AKNA: variants seen among roughly 807,000 people sequenced by gnomAD.
The protein encoded by AKNA is AT-hook transcription factor.
AKNA carries 67 observed loss-of-function variants against 138.8 expected under a neutral mutation model. The observed-to-expected ratio is 0.48, with a 90% confidence interval of 0.40 to 0.59. AKNA has a LOEUF of 0.59. Ranked by LOEUF, AKNA falls within the 20% of genes least tolerant of loss-of-function variation. The probability of loss-of-function intolerance (pLI) is 0.00; values close to 1 mark genes in which losing one functional copy is unlikely to be tolerated. For missense variants in AKNA, 1,813 were observed against 1,880.4 expected (o/e 0.96, Z 0.66); for synonymous variants, 737 against 754.4 (o/e 0.98, Z 0.38).
In AKNA at chr9:114,375,117, CT is replaced by C. The variant is rs1833073840; in HGVS notation, c.1342-951del. On this transcript the variant is annotated intron_variant, in intron 3 of 21. Coordinates refer to ENST00000374088, the MANE Select transcript of AKNA (RefSeq NM_001317950.2). ...GCCAAAACTCCCCACGCCCGTGGAG[CT>C]CATGGTCTGGAAGGGAAATGGTCAT... Among the ~76,000 whole-genome samples, 3 of 152,296 alleles carry C rather than the reference CT, an allele frequency of 2.0e-5. No individual in the cohort carries two copies. The South Asian group carries it at 6.2e-4, about 32-fold the overall frequency.
chr9:114,361,015 C>A (rs1173992356), intron 9 of AKNA, among the ~76,000 whole-genome samples: 5 of 152,166 alleles, frequency 3.3e-5, no homozygotes, highest in Admixed American at 3.3e-4. Flanking sequence ...ACCTTCCCAA[C>A]CTCTCTTAAG....
chr9:114,387,362 G>T (rs952938203), intron 1 of AKNA, among the ~76,000 whole-genome samples: 2 of 152,198 alleles, frequency 1.3e-5, no homozygotes. Context: ...GCCAGCTCTG[G>T]TCTTGCCATC....
At chr9:114,354,826 T>C (rs1007550999) in intron 14 of AKNA, among the ~76,000 whole-genome samples, 3 of 151,330 alleles carry the variant, frequency 2.0e-5, no homozygotes, top group African/African-American at 7.3e-5. Context: ...TCATTAGTTA[T>C]CAAGTATTAG....
At chr9:114,391,362 T>G (rs937093398), upstream of AKNA, among the ~76,000 whole-genome samples, 1 of 152,268 alleles carries the variant, frequency 6.6e-6, no homozygotes, top group African/African-American at 2.4e-5. Flanking sequence ...AGTGAGGCCC[T>G]GGTTCCACAC....
At chr9:114,383,215 C>T in intron 1 of AKNA, 1 of 456,024 alleles carries the variant, frequency 2.2e-6, no homozygotes, top group Non-Finnish European at 4.4e-6. Flanking sequence ...CGTCAGGCGG[C>T]TGCTGCAGGA....
chr9:114,380,728 C>T (rs1205248792), intron 2 of AKNA, among the ~76,000 whole-genome samples: 2 of 151,594 alleles, frequency 1.3e-5, no homozygotes, highest in Non-Finnish European at 2.9e-5. Context: ...GTAATCCCAG[C>T]ACTTTGGGAG....
Position 114,356,858 on chromosome 9 carries a change from G to C in AKNA, c.2846+5C>G. ...TGACGGGACAATGGCGGGATCCCGG[G>C]ATACCTGATGTGGGAGAGCCGGTGC... On this transcript the variant is annotated splice_donor_5th_base_variant and intron_variant, in intron 13 of 21. Coordinates refer to ENST00000374088, the MANE Select transcript of AKNA (RefSeq NM_001317950.2). 6.5e-7 allele frequency: 1 copy of C among 1,537,610 alleles called. No individual in the cohort carries two copies. The highest frequency in any genetic ancestry group is 8.7e-7 in the Non-Finnish European group (1 of 1,151,620).
rs1158182604 is a variant in AKNA, at chr9:114,376,943, G to A, written c.864C>T (p.Phe288=). 8 of 1,614,124 alleles carry A rather than the reference G, an allele frequency of 5.0e-6. No individual in the cohort carries two copies. Among genetic ancestry groups the A allele is most frequent in the Non-Finnish European group, 6.8e-6 (8 of 1,180,044 alleles). Residue 288 remains phenylalanine, a synonymous_variant, in exon 3 of 22, where the codon TTC becomes TTT. Transcript: ENST00000374088. The stretch of plus-strand genomic sequence containing the variant: ...AGATGTGTTCCTTGGGCTGAGGGCA[G>A]AAGAATCTGGTCGTTTCTCTCCTCC... ...DRWRRETTRF[F]CPQPKEHIWK...
At chr9:114,369,731 C>T (rs1832629722) in intron 4 of AKNA, among the ~76,000 whole-genome samples, 1 of 152,094 alleles carries the variant, frequency 6.6e-6, no homozygotes, top group South Asian at 2.1e-4. Context: ...ACTGTCATTA[C>T]CACCACCATC....
Position 114,347,892 on chromosome 9 carries a change from A to G in AKNA, c.3230T>C (p.Ile1077Thr). The change falls in exon 16 of 22, where the codon ATC becomes ACC. Residue 1077 changes from isoleucine to threonine, a missense_variant. By Grantham distance (89) the Ile-to-Thr change is moderately conservative. Coordinates refer to ENST00000374088, the MANE Select transcript of AKNA (RefSeq NM_001317950.2). ...LLTRAGRDQA[I>T]CELQEEVSRL... is the part of the protein sequence containing the mutation. ...GGACACCTCTTCTTGCAGCTCACAG[A>G]TGGCCTGGCTGGGGTTGGAGTGGAG... 6 of 1,552,040 alleles carry G rather than the reference A, an allele frequency of 3.9e-6. No individual in the cohort carries two copies. Among genetic ancestry groups the G allele is most frequent in the Non-Finnish European group, 4.4e-6 (5 of 1,147,440 alleles).
chr9:114,355,965 T>C lies in AKNA; in HGVS notation c.3018A>G (p.Ala1006=), dbSNP rs61757559. ...GTGTCCGCTCCAGGCTGAAGTTGGGTGCCCTCTGCCGGAGAGGCCCACTTG... is the reference window on the plus strand; with the variant it reads ...GTGTCCGCTCCAGGCTGAAGTTGGGCGCCCTCTGCCGGAGAGGCCCACTTG... ...SSPSGPLRQR[A]PNFSLERTLA... The change falls in exon 14 of 22, where the codon GCA becomes GCG. Residue 1006 remains alanine, a synonymous_variant. Coordinates refer to ENST00000374088, the MANE Select transcript of AKNA (RefSeq NM_001317950.2). 3.4e-3 allele frequency: 5,457 copies of C among 1,614,184 alleles called. 148 individuals are homozygous for C. In the African/African-American group the frequency reaches 0.062, roughly 18 times the overall value.
downstream of AKNA, chr9:114,330,717 G>C (rs763097017): frequency 7.1e-6 from 11 of 1,552,638 alleles, no homozygotes; most frequent in African/African-American, 1.4e-4. Flanking sequence ...CTCTTGCCCC[G>C]GGACTGTGAT....
At chr9:114,368,620 C>T (rs770318272) in intron 4 of AKNA, 25 bp from the exon 5 acceptor site, 18 of 1,350,926 alleles carry the variant, frequency 1.3e-5, no homozygotes, top group Admixed American at 9.2e-5. Flanking sequence ...AGGCACAGCA[C>T]AGCCAAGTCA....
chr9:114,344,171 A>G lies in AKNA; in HGVS notation c.3662-368T>C, dbSNP rs12686084. 3.3e-4 allele frequency: 71 copies of G among 215,420 alleles called. 1 individual carries two copies. The East Asian group carries it at 8.6e-3, about 26-fold the overall frequency. 13.3% of individuals were successfully genotyped at this position (215,420 alleles called of 1,614,324 possible). A position where few individuals can be genotyped will look rare whatever the true frequency, so the allele number is the denominator to read the frequency against. On this transcript the variant is annotated intron_variant, in intron 18 of 21. Transcript: ENST00000374088. ...GGAAGAAATGATAAGCAAAGCAACAATAAGAAATGAACAAGTGATGCTATT... is the reference window on the plus strand; with the variant it reads ...GGAAGAAATGATAAGCAAAGCAACAGTAAGAAATGAACAAGTGATGCTATT...
intron 3 of AKNA, among the ~76,000 whole-genome samples, chr9:114,375,614 C>A (rs578235150): frequency 1.3e-5 from 2 of 151,832 alleles, no homozygotes; most frequent in African/African-American, 4.8e-5. Flanking sequence ...CACACTAACA[C>A]ATTTTTAGAT....
rs375280100 is a variant in AKNA, at chr9:114,362,531, G to A, written c.1791C>T (p.Gly597=). 4.3e-6 allele frequency: 7 copies of A among 1,612,690 alleles called. No individual in the cohort carries two copies. The Admixed American group carries it at 1.2e-4, about 27-fold the overall frequency. Residue 597 remains glycine (G), a splice_region_variant and synonymous_variant, in exon 8 of 22, where the codon GGC becomes GGT. Transcript: ENST00000374088. ...CGTGGGCAGCCTTCAGCCGCTGGAA[G>A]CCCTGAAACCAGACCAGGCCAGGAA... ...GRLMPQDQVK[G]FQRLKAAHAA... is the part of the protein sequence containing the mutation.
In AKNA at chr9:114,351,021, G is replaced by T; in HGVS notation, c.3059C>A (p.Ala1020Glu). Residue 1020 changes from alanine (A) to glutamate (E), a missense_variant and splice_region_variant, in exon 15 of 22, where the codon GCG becomes GAG. Ala to Glu is a moderately radical substitution (Grantham distance 107). Transcript: ENST00000374088. ...SLERTLAAEM[A>E]VPGSEFEGHK... ...CCCCTCAAACTCTGAGCCAGGAACC[G>T]CTAGGGAGGCAGAGAGAGAACCCAA... 2 of 1,613,274 alleles carry T rather than the reference G, an allele frequency of 1.2e-6. No homozygotes were observed. Among genetic ancestry groups the T allele is most frequent in the Non-Finnish European group, 8.5e-7 (1 of 1,179,674 alleles).
rs114778107 is a variant in AKNA, at chr9:114,367,814, G to T, written c.1574-117C>A. Reference sequence around the variant, plus strand: ...CATCAAGTTATAGCTCAGTCACCATGTGCGATCTTCACATCAGCCCCAGGA... The same window carrying T: ...CATCAAGTTATAGCTCAGTCACCATTTGCGATCTTCACATCAGCCCCAGGA... On this transcript the variant is annotated intron_variant, in intron 5 of 21. Coordinates refer to ENST00000374088, the MANE Select transcript of AKNA (RefSeq NM_001317950.2). The T allele has an allele frequency of 2.7e-3, 3,182 of 1,184,590 alleles. 58 individuals carry two copies. In the African/African-American group the frequency reaches 0.043, roughly 16 times the overall value. The allele number at this position is 1,184,590 out of a possible 1,614,324, so 73.4% of individuals were successfully genotyped here. A position where few individuals can be genotyped will look rare whatever the true frequency, so the allele number is the denominator to read the frequency against.
chr9:114,390,828 C>T (rs1166489551), upstream of AKNA, among the ~76,000 whole-genome samples: 1 of 152,198 alleles, frequency 6.6e-6, no homozygotes, highest in Non-Finnish European at 1.5e-5. Flanking sequence ...ACTTCTTTTC[C>T]CTGTTAACTT....
Sources: allele counts gnomAD v4.1 joint callset (sites outside exome capture counted in the v4.1 genomes callset), GRCh38; gene constraint gnomAD v4.1.1; transcripts MANE v1.5; gene names NCBI Gene and HGNC (gene_info 2026-07-23, HGNC 2026-07-21).